Variants in SNX24 observed in about 807,000 individuals in gnomAD.
SNX24 encodes sorting nexin-24.
In SNX24, 22 loss-of-function variants were observed where a neutral mutation model predicts 28.7. The ratio of observed to expected loss-of-function variants is 0.77; its 90% CI spans 0.55 to 1.10. SNX24 has a LOEUF of 1.10. Ranked by LOEUF, SNX24 falls within the 50% of genes least tolerant of loss-of-function variation. The pLI is 0.00. For missense variants in SNX24, 221 were observed against 201.1 expected (o/e 1.10, Z -0.60); for synonymous variants, 69 against 71.5 (o/e 0.96, Z 0.18).
intron 1 of SNX24, among the ~76,000 whole-genome samples, chr5:122,855,012 G>A (rs1392734635): frequency 6.6e-6 from 1 of 152,030 alleles, no homozygotes; most frequent in African/African-American, 2.4e-5. Flanking sequence ...GATGTTGATG[G>A]CTGCTGACTG....
chr5:122,939,196 G>A (rs1270253981), intron 2 of SNX24, among the ~76,000 whole-genome samples: 1 of 152,068 alleles, frequency 6.6e-6, no homozygotes, highest in Non-Finnish European at 1.5e-5. Context: ...GAATGTTAGA[G>A]TTTAACATAA....
At chr5:122,880,276 T>G (rs1756418396) in intron 1 of SNX24, among the ~76,000 whole-genome samples, 1 of 57,684 alleles carries the variant, frequency 1.7e-5, no homozygotes, top group East Asian at 2.2e-3. Flanking sequence ...GCCAGTGACA[T>G]AAGGCAGCTT....
chr5:122,992,117 G>A (rs944049280), intron 3 of SNX24, among the ~76,000 whole-genome samples: 1 of 152,116 alleles, frequency 6.6e-6, no homozygotes, highest in Non-Finnish European at 1.5e-5. Flanking sequence ...TACATAATTC[G>A]AACAGTAGTT....
chr5:123,026,462 A>C (rs542338136), intron 5 of SNX24, among the ~76,000 whole-genome samples: 2 of 152,226 alleles, frequency 1.3e-5, no homozygotes, highest in Admixed American at 1.3e-4. Flanking sequence ...CCGAATTCTC[A>C]TAACAACCCT....
chr5:122,983,878 G>A (rs1321657378), intron 3 of SNX24, among the ~76,000 whole-genome samples: 5 of 152,184 alleles, frequency 3.3e-5, no homozygotes, highest in African/African-American at 1.2e-4. Context: ...TTAGAGTGAA[G>A]TTGGTATGTT....
At chr5:123,027,050 C>T (rs1182058628) in intron 5 of SNX24, among the ~76,000 whole-genome samples, 4 of 152,110 alleles carry the variant, frequency 2.6e-5, no homozygotes, top group Middle Eastern at 3.4e-3. Flanking sequence ...AAAAATCAGC[C>T]GGGCATGGTG....
At chr5:122,929,342 G>T (rs1194689387) in intron 1 of SNX24, among the ~76,000 whole-genome samples, 3 of 152,096 alleles carry the variant, frequency 2.0e-5, no homozygotes, top group Non-Finnish European at 4.4e-5. Flanking sequence ...CCAGGTCCCT[G>T]AGAGCAAATT....
chr5:122,894,211 G>T (rs1757105011), intron 1 of SNX24, among the ~76,000 whole-genome samples: 1 of 151,920 alleles, frequency 6.6e-6, no homozygotes, highest in African/African-American at 2.4e-5. Context: ...TTTTGGAAAA[G>T]TCTTGGTCCC....
At chr5:122,923,046 T>G (rs1758511016) in intron 1 of SNX24, among the ~76,000 whole-genome samples, 1 of 152,082 alleles carries the variant, frequency 6.6e-6, no homozygotes, top group Non-Finnish European at 1.5e-5. Flanking sequence ...GAAGAAGAAT[T>G]AAGCCAGGCA....
chr5:123,023,011 G>C (rs1762784981), intron 5 of SNX24, among the ~76,000 whole-genome samples: 1 of 152,164 alleles, frequency 6.6e-6, no homozygotes, highest in Admixed American at 6.5e-5. Flanking sequence ...ATGTTGCCCA[G>C]GCTGGTCTCA....
intron 5 of SNX24, chr5:123,025,686 G>A (rs2150188438): frequency 1.6e-6 from 2 of 1,259,616 alleles, no homozygotes; most frequent in Admixed American, 2.4e-5. Flanking sequence ...GCTATATAAT[G>A]GATCTCTAAC....
chr5:122,922,069 G>T (rs1438182882), intron 1 of SNX24, among the ~76,000 whole-genome samples: 2 of 152,094 alleles, frequency 1.3e-5, no homozygotes, highest in African/African-American at 4.8e-5. Flanking sequence ...GCTGAGGCCC[G>T]ACCTTGTTAG....
chr5:122,875,545 G>C (rs1015544052), intron 1 of SNX24, among the ~76,000 whole-genome samples: 4 of 152,224 alleles, frequency 2.6e-5, no homozygotes, highest in African/African-American at 9.7e-5. Flanking sequence ...CCTTTGTACG[G>C]GGGAGTGGTA....
chr5:122,913,570 T>C (rs1758012530), intron 1 of SNX24, among the ~76,000 whole-genome samples: 1 of 151,510 alleles, frequency 6.6e-6, no homozygotes, highest in Non-Finnish European at 1.5e-5. Flanking sequence ...GCGGAGGGGC[T>C]CCTCACTTCT....
chr5:122,929,612 TTTTG>T (rs1758859836), intron 1 of SNX24, among the ~76,000 whole-genome samples: 1 of 152,172 alleles, frequency 6.6e-6, no homozygotes, highest in African/African-American at 2.4e-5. Context: ...TTGTATATAG[TTTTG>T]TTTATTTATC....
chr5:122,989,466 A>C (rs1327471069), intron 3 of SNX24, among the ~76,000 whole-genome samples: 1 of 119,052 alleles, frequency 8.4e-6, no homozygotes. Flanking sequence ...TTTCCCATCC[A>C]GTCACTTCTT....
intron 3 of SNX24, among the ~76,000 whole-genome samples, chr5:122,961,274 T>G (rs1366424385): frequency 6.6e-6 from 1 of 152,164 alleles, no homozygotes; most frequent in Non-Finnish European, 1.5e-5. Context: ...GATTAAGAAG[T>G]GATTTGCCAT....
intron 3 of SNX24, among the ~76,000 whole-genome samples, chr5:122,968,359 C>A (rs1554076940): frequency 6.6e-6 from 1 of 152,002 alleles, no homozygotes; most frequent in Non-Finnish European, 1.5e-5. Context: ...AACACAAAAA[C>A]CAAAAAACTT....
At chr5:122,884,066 A>C (rs530940549) in intron 1 of SNX24, among the ~76,000 whole-genome samples, 1 of 152,260 alleles carries the variant, frequency 6.6e-6, no homozygotes, top group East Asian at 1.9e-4. Context: ...TATTTGATTT[A>C]TTCAATTGAA....
Sources: gnomAD v4.1 joint callset for allele counts (sites outside exome capture counted in the v4.1 genomes callset) on GRCh38, gnomAD v4.1.1 for gene constraint, MANE v1.5 for transcripts, NCBI Gene and HGNC (gene_info 2026-07-23, HGNC 2026-07-21) for gene names.